BMPR1A: variants seen among roughly 807,000 people sequenced by gnomAD.
BMPR1A encodes bone morphogenetic protein receptor type-1A.
In BMPR1A, 7 loss-of-function variants were observed where a neutral mutation model predicts 66.0. The observed-to-expected ratio is 0.11, with a 90% CI of 0.06 to 0.20. The LOEUF is 0.20. BMPR1A is among the 10% of genes least tolerant of loss of function. The pLI, the probability that BMPR1A is intolerant of heterozygous loss-of-function variation, is 1.00. For synonymous variants in BMPR1A, 200 were observed against 229.7 expected (o/e 0.87, Z 1.17); for missense variants, 408 against 669.1 (o/e 0.61, Z 4.31).
chr10:86,809,549 C>G (rs1841938613), intron 1 of BMPR1A, among the ~76,000 whole-genome samples: 1 of 150,056 alleles, frequency 6.7e-6, no homozygotes, highest in Non-Finnish European at 1.5e-5. Flanking sequence ...CTGCCTCAGT[C>G]TTCCAAAGTC....
At chr10:86,768,814 A>G (rs1841206016) in intron 1 of BMPR1A, among the ~76,000 whole-genome samples, 1 of 152,202 alleles carries the variant, frequency 6.6e-6, no homozygotes, top group African/African-American at 2.4e-5. Context: ...CAAAGTTGTT[A>G]ATTACTCTAA....
intron 3 of BMPR1A, among the ~76,000 whole-genome samples, chr10:86,884,120 G>A (rs947918734): frequency 2.8e-4 from 43 of 151,976 alleles, no homozygotes; most frequent in African/African-American, 8.9e-4. Context: ...CACCCACCTC[G>A]GCCTCCCAAG....
At chr10:86,812,795 G>A (rs1383449029) in intron 1 of BMPR1A, among the ~76,000 whole-genome samples, 1 of 152,128 alleles carries the variant, frequency 6.6e-6, no homozygotes, top group African/African-American at 2.4e-5. Context: ...ATGAACCTAT[G>A]TTGACATGTC....
At chr10:86,832,754 G>T (rs1366136602) in intron 1 of BMPR1A, among the ~76,000 whole-genome samples, 8 of 152,110 alleles carry the variant, frequency 5.3e-5, no homozygotes, top group African/African-American at 1.9e-4. Flanking sequence ...AGTATTTTGT[G>T]CCTTTTTACT....
intron 3 of BMPR1A, among the ~76,000 whole-genome samples, chr10:86,881,164 C>T (rs1466064655): frequency 6.6e-6 from 1 of 152,098 alleles, no homozygotes; most frequent in Non-Finnish European, 1.5e-5. Context: ...TCACTTGAGC[C>T]CGGGAGCTTG....
chr10:86,768,387 G>A (rs936124210), intron 1 of BMPR1A, among the ~76,000 whole-genome samples: 3 of 152,034 alleles, frequency 2.0e-5, no homozygotes, highest in African/African-American at 7.3e-5. Context: ...CCACCCCCAT[G>A]TGTTTGTTCC....
intron 3 of BMPR1A, among the ~76,000 whole-genome samples, chr10:86,880,089 A>G (rs1842967531): frequency 6.6e-6 from 1 of 152,200 alleles, no homozygotes; most frequent in Non-Finnish European, 1.5e-5. Flanking sequence ...AGGTCTGATT[A>G]CTGGAAATTG....
intron 1 of BMPR1A, among the ~76,000 whole-genome samples, chr10:86,770,830 A>G (rs773248667): frequency 5.3e-5 from 8 of 152,248 alleles, no homozygotes; most frequent in Non-Finnish European, 1.0e-4. Context: ...GGATAGGGAT[A>G]GAGAAACAAT....
rs1843730358 is a variant in BMPR1A at position 86,925,721 on chromosome 10, C to CTTTTTTTTTTCTTTTTTTTTTT, written c.*2012_*2013insCTTTTTTTTTTTTTTTTTTTTT. 1 of 116,306 alleles carries CTTTTTTTTTTCTTTTTTTTTTT rather than the reference C, an allele frequency of 8.6e-6. No homozygotes were observed. Among genetic ancestry groups the CTTTTTTTTTTCTTTTTTTTTTT allele is most frequent in the Admixed American group, 9.2e-5 (1 of 10,894 alleles). The allele number at this position is 116,306 out of a possible 1,614,324, so 7.2% of individuals were successfully genotyped here. A position where few individuals can be genotyped will look rare whatever the true frequency, so the allele number is the denominator to read the frequency against. On this transcript the variant is annotated 3_prime_UTR_variant, in exon 13 of 13. Coordinates refer to ENST00000372037, the MANE Select transcript of BMPR1A (RefSeq NM_004329.3). ...CATAATCTTTAAAATCATTTGTCAT[C>CTTTTTTTTTTCTTTTTTTTTTT]TTTTTTTTTTTTTTTTTGAGACGGA...
At chr10:86,827,510 T>C (rs1244976571) in intron 1 of BMPR1A, among the ~76,000 whole-genome samples, 1 of 152,240 alleles carries the variant, frequency 6.6e-6, no homozygotes, top group Admixed American at 6.5e-5. Context: ...TTCTTTTGCG[T>C]GGCTCATGGT....
rs555873943 is a variant in BMPR1A, at chr10:86,900,105, T to G, written c.509T>G (p.Phe170Cys). 6.2e-7 allele frequency: 1 copy of G among 1,613,912 alleles called. No individual in the cohort carries two copies. Among genetic ancestry groups the G allele is most frequent in the East Asian group, 2.2e-5 (1 of 44,884 alleles). Reference protein sequence around the residue: ...MAVCIIAMIIFSSCFCYKHYC... With the variant: ...MAVCIIAMIICSSCFCYKHYC... The stretch of plus-strand genomic sequence containing the variant: ...GTCTGCATAATTGCTATGATCATCT[T>G]CTCCAGCTGCTTTTGTTACAAGTAA... Residue 170 changes from phenylalanine (F) to cysteine (C), a missense_variant, in exon 7 of 13, where the codon TTC becomes TGC. By Grantham distance (205) the Phe-to-Cys change is radical. This residue lies in a region of BMPR1A where 174 missense variants were observed against 265.1 expected (regional missense o/e 0.66). Coordinates refer to ENST00000372037, the MANE Select transcript of BMPR1A (RefSeq NM_004329.3).
At position 86,862,996 on chromosome 10, in the gene BMPR1A, C is replaced by T. The variant is rs549098647; in HGVS notation, c.-152-12871C>T. 1.4e-4 allele frequency among the ~76,000 whole-genome samples: 21 copies of T among 150,614 alleles called. No homozygotes were observed. In the South Asian group the frequency reaches 4.4e-3, roughly 32 times the overall value. ...GAGCTGCCTTTTTTTTTTTTTCCCC[C>T]TCTGAGACAGTCTCGCTTTGTCGCC... is the stretch of plus-strand genomic sequence containing the variant. On this transcript the variant is annotated intron_variant, in intron 2 of 12. Coordinates refer to ENST00000372037, the MANE Select transcript of BMPR1A (RefSeq NM_004329.3).
At chr10:86,895,588 A>G (rs1843214169) in intron 5 of BMPR1A, among the ~76,000 whole-genome samples, 1 of 152,190 alleles carries the variant, frequency 6.6e-6, no homozygotes, top group South Asian at 2.1e-4. Context: ...TTCCGTGATC[A>G]TCATCTTGCT....
chr10:86,767,057 C>T (rs537281422), intron 1 of BMPR1A, among the ~76,000 whole-genome samples: 132 of 152,158 alleles, frequency 8.7e-4, no homozygotes, highest in African/African-American at 3.1e-3. Flanking sequence ...CTCGTGACCT[C>T]GTGATCCGCC....
At chr10:86,812,021 G>A (rs4934269) in intron 1 of BMPR1A, among the ~76,000 whole-genome samples, 50,281 of 150,980 alleles carry the variant, frequency 0.33, 9,071 homozygotes, top group East Asian at 0.7. Context: ...TTTGAGGGTT[G>A]TGGTAAGCTC....
At chr10:86,766,830 T>C (rs1410718578) in intron 1 of BMPR1A, among the ~76,000 whole-genome samples, 2 of 151,072 alleles carry the variant, frequency 1.3e-5, no homozygotes, top group Non-Finnish European at 3.0e-5. Context: ...GGATGGTTTT[T>C]TTTTTTTTTT....
chr10:86,765,918 A>G (rs900381122), intron 1 of BMPR1A, among the ~76,000 whole-genome samples: 8 of 149,278 alleles, frequency 5.4e-5, no homozygotes, highest in Middle Eastern at 3.2e-3. Context: ...ATACATCCTT[A>G]TCTTTAAATT....
At chr10:86,802,281 C>T (rs1361303490) in intron 1 of BMPR1A, among the ~76,000 whole-genome samples, 1 of 152,198 alleles carries the variant, frequency 6.6e-6, no homozygotes, top group African/African-American at 2.4e-5. Context: ...CTGCCCTTAC[C>T]CTGAATCCCT....
chr10:86,784,247 C>G (rs758023978), intron 1 of BMPR1A, among the ~76,000 whole-genome samples: 17 of 152,018 alleles, frequency 1.1e-4, no homozygotes, highest in Non-Finnish European at 2.4e-4. Context: ...TATGTATGGT[C>G]TTTATTATGT....
Sources: allele counts gnomAD v4.1 joint callset (sites outside exome capture counted in the v4.1 genomes callset), GRCh38; gene constraint gnomAD v4.1.1; regional missense constraint gnomAD v4.1.1; transcripts MANE v1.5; gene names NCBI Gene and HGNC (gene_info 2026-07-23, HGNC 2026-07-21).